Variants in DPP10 observed in about 807,000 individuals in gnomAD.
The protein encoded by DPP10 is inactive dipeptidyl peptidase 10.
A neutral mutation model predicts 120.9 loss-of-function variants in DPP10; 33 were observed. The ratio of observed to expected loss-of-function variants is 0.27; its 90% CI spans 0.21 to 0.37. DPP10 has a LOEUF of 0.37. DPP10 is among the 10% of genes least tolerant of loss of function. DPP10 has a pLI of 1.00. For missense variants in DPP10, 816 were observed against 942.8 expected, an observed-to-expected ratio of 0.87 and a Z score of 1.76; for synonymous variants, 337 against 326.1, an observed-to-expected ratio of 1.03 and a Z score of -0.36.
chr2:115,788,247 G>A (rs1274758511), intron 17 of DPP10, among the ~76,000 whole-genome samples: 1 of 152,010 alleles, frequency 6.6e-6, no homozygotes, highest in African/African-American at 2.4e-5. Context: ...TCCCAATTTA[G>A]GGGTTACTAC....
At chr2:115,315,839 G>A (rs1158496754) in intron 2 of DPP10, among the ~76,000 whole-genome samples, 1 of 151,944 alleles carries the variant, frequency 6.6e-6, no homozygotes, top group East Asian at 1.9e-4. Flanking sequence ...GTTTCCCCCT[G>A]GATAATATGG....
chr2:114,906,103 G>T (rs1223132491), intron 1 of DPP10, among the ~76,000 whole-genome samples: 1 of 152,064 alleles, frequency 6.6e-6, no homozygotes, highest in African/African-American at 2.4e-5. Context: ...CCTGGGCCGG[G>T]CACGGGGGCT....
chr2:114,626,710 G>T (rs981131324), intron 1 of DPP10, among the ~76,000 whole-genome samples: 1 of 151,970 alleles, frequency 6.6e-6, no homozygotes. Flanking sequence ...GATCATTTTT[G>T]CTGGAAGAAA....
chr2:115,564,505 A>G (rs537728190), intron 5 of DPP10, among the ~76,000 whole-genome samples: 4 of 152,286 alleles, frequency 2.6e-5, no homozygotes, highest in African/African-American at 9.6e-5. Flanking sequence ...ATTTCAATAC[A>G]CATATATCTA....
intron 1 of DPP10, among the ~76,000 whole-genome samples, chr2:114,564,826 T>C (rs1260898220): frequency 1.3e-5 from 2 of 152,214 alleles, no homozygotes. Context: ...ACAAGGAGTC[T>C]ACTGCTCTCA....
intron 1 of DPP10, among the ~76,000 whole-genome samples, chr2:114,650,025 T>A (rs1331665348): frequency 6.6e-6 from 1 of 152,182 alleles, no homozygotes; most frequent in Admixed American, 6.5e-5. Flanking sequence ...AAAATATTAT[T>A]GGCCATGTTA....
At chr2:115,434,090 A>G (rs1287329824) in intron 3 of DPP10, among the ~76,000 whole-genome samples, 1 of 152,010 alleles carries the variant, frequency 6.6e-6, no homozygotes, top group South Asian at 2.1e-4. Flanking sequence ...TCTGAAAAAT[A>G]TCAATTACTA....
At position 115,686,233 on chromosome 2, in the gene DPP10, G is replaced by C. The variant is rs575931787; in HGVS notation, c.442-3454G>C. 3.3e-5 allele frequency among the ~76,000 whole-genome samples: 5 copies of C among 152,132 alleles called. No homozygotes were observed. The South Asian group carries it at 1.0e-3, about 32-fold the overall frequency. ...CTGCCCCCAAGCATAGTGATGAAGA[G>C]TTGTCCTGTCTTCCTTAGTGCAAGA... is the stretch of plus-strand genomic sequence containing the variant. On this transcript the variant is annotated intron_variant, in intron 5 of 25. Coordinates refer to ENST00000410059, the MANE Select transcript of DPP10 (RefSeq NM_020868.6).
chr2:114,626,066 T>G (rs1234408545), intron 1 of DPP10, among the ~76,000 whole-genome samples: 2 of 151,762 alleles, frequency 1.3e-5, no homozygotes, highest in African/African-American at 2.4e-5. Flanking sequence ...AGGGTTACAG[T>G]ATTTTAATTT....
rs146218206 is a variant in DPP10 at position 115,281,738 on chromosome 2, G to T, written c.61-27501G>T. 4.6e-5 allele frequency among the ~76,000 whole-genome samples: 7 copies of T among 152,170 alleles called. 1 individual carries two copies. The highest frequency in any genetic ancestry group is 1.4e-4 in the African/African-American group (6 of 41,516). ...TTAATCCACACAGTAAGAGCCATAG[G>T]ATATAAATATACATGATCAATATTC... On this transcript the variant is annotated intron_variant, in intron 1 of 25. Coordinates refer to ENST00000410059, the MANE Select transcript of DPP10 (RefSeq NM_020868.6).
intron 1 of DPP10, among the ~76,000 whole-genome samples, chr2:114,733,426 A>C (rs1043001882): frequency 2.0e-5 from 3 of 152,148 alleles, no homozygotes; most frequent in African/African-American, 7.2e-5. Context: ...GCTCTTTATC[A>C]CAACATTTAG....
At chr2:114,693,178 G>C (rs1418872333) in intron 1 of DPP10, among the ~76,000 whole-genome samples, 1 of 151,926 alleles carries the variant, frequency 6.6e-6, no homozygotes, top group African/African-American at 2.4e-5. Flanking sequence ...AGTGTCACTG[G>C]TCTGTGTATT....
intron 1 of DPP10, among the ~76,000 whole-genome samples, chr2:115,031,016 T>G (rs1355224): frequency 0.4 from 60,880 of 151,962 alleles, 12,446 homozygotes; most frequent in South Asian, 0.52. Flanking sequence ...GAAAACCTTT[T>G]GACATGTAGT....
chr2:114,586,081 C>A (rs910703775), intron 1 of DPP10, among the ~76,000 whole-genome samples: 1 of 152,086 alleles, frequency 6.6e-6, no homozygotes, highest in Non-Finnish European at 1.5e-5. Context: ...AACTCCATCT[C>A]TATAATAAAT....
chr2:114,459,208 C>T (rs1304517846), intron 1 of DPP10, among the ~76,000 whole-genome samples: 3 of 152,098 alleles, frequency 2.0e-5, no homozygotes, highest in African/African-American at 4.8e-5. Flanking sequence ...CTGTTCTTAC[C>T]GTTGCTGTGA....
intron 1 of DPP10, among the ~76,000 whole-genome samples, chr2:114,885,812 T>A (rs1216949027): frequency 1.3e-5 from 2 of 152,186 alleles, no homozygotes; most frequent in African/African-American, 4.8e-5. Flanking sequence ...AGAATTGACT[T>A]CCTAGTTGCA....
At chr2:114,505,051 CAAAAAAAAAAAA>C (rs3061538) in intron 1 of DPP10, among the ~76,000 whole-genome samples, 1 of 44,896 alleles carries the variant, frequency 2.2e-5, no homozygotes, top group African/African-American at 6.4e-5. Flanking sequence ...GACTCTGTCT[CAAAAAAAAAAAA>C]AAAAAAAAAA....
At chr2:115,079,923 T>C (rs147121211) in intron 1 of DPP10, among the ~76,000 whole-genome samples, 114 of 152,312 alleles carry the variant, frequency 7.5e-4, no homozygotes, top group African/African-American at 2.6e-3. Flanking sequence ...TAAGGGCACA[T>C]AAGGAGAGGC....
At chr2:114,776,939 A>G (rs1198169983) in intron 1 of DPP10, among the ~76,000 whole-genome samples, 2 of 152,040 alleles carry the variant, frequency 1.3e-5, no homozygotes, top group African/African-American at 2.4e-5. Flanking sequence ...TAAAAAAAAG[A>G]AGGCATAAGA....
Sources: gnomAD v4.1 joint callset for allele counts (sites outside exome capture counted in the v4.1 genomes callset) on GRCh38, gnomAD v4.1.1 for gene constraint, MANE v1.5 for transcripts, NCBI Gene and HGNC (gene_info 2026-07-23, HGNC 2026-07-21) for gene names.